CC2D1A: variants seen among roughly 807,000 people sequenced by gnomAD.
CC2D1A encodes the protein coiled-coil and C2 domain-containing protein 1A.
Under a neutral mutation model 123.8 loss-of-function variants are expected in CC2D1A, and 68 were observed. The ratio of observed to expected loss-of-function variants is 0.55; its 90% CI spans 0.45 to 0.67. CC2D1A has a LOEUF of 0.67. Among genes scored for constraint, CC2D1A ranks in the 30% least tolerant of loss-of-function variants. The pLI, the probability that CC2D1A is intolerant of heterozygous loss-of-function variation, is 0.00. For missense variants in CC2D1A, 1,185 were observed against 1,290.3 expected, an observed-to-expected ratio of 0.92 and a Z score of 1.25; for synonymous variants, 477 against 528.0, an observed-to-expected ratio of 0.90 and a Z score of 1.32.
chr19:13,908,473 CT>C (rs1397950984), intron 1 of CC2D1A, among the ~76,000 whole-genome samples: 10 of 146,454 alleles, frequency 6.8e-5, no homozygotes, highest in East Asian at 2.0e-4. Flanking sequence ...AATTGCTCTT[CT>C]TTTTTTTTTG....
In CC2D1A at chr19:13,923,975, T is replaced by TA. The variant is rs1239510685; in HGVS notation, c.1940+165dup. ...CAAAGGCTCTGGGGCAGGCATGAGA[T>TA]ACAAGTGAAGGATGGTGAGGGTGCA... is the stretch of plus-strand genomic sequence containing the variant. On this transcript the variant is annotated intron_variant, in intron 17 of 28. Coordinates refer to ENST00000318003, the MANE Select transcript of CC2D1A (RefSeq NM_017721.5). The surrounding 1 kb of genome is among the most constrained non-coding windows in gnomAD (Gnocchi z 5.3). 6.6e-6 allele frequency among the ~76,000 whole-genome samples: 1 copy of TA among 152,140 alleles called. No homozygotes were observed. The highest frequency in any genetic ancestry group is 1.5e-5 in the Non-Finnish European group (1 of 68,026).
chr19:13,927,390 C>A (rs1971681663), intron 22 of CC2D1A, 125 bp downstream of exon 22: 2 of 736,362 alleles, frequency 2.7e-6, no homozygotes, highest in African/African-American at 1.7e-5. Flanking sequence ...CCCTCAGAGC[C>A]TCAGACCTCC....
chr19:13,928,279 C>A, intron 24 of CC2D1A, 91 bp downstream of exon 24: 2 of 1,109,198 alleles, frequency 1.8e-6, no homozygotes, highest in South Asian at 2.9e-5. Context: ...CAAATTGGAC[C>A]ACGTCCCTCT....
At chr19:13,916,137 G>A (rs1971197350) in intron 6 of CC2D1A, among the ~76,000 whole-genome samples, 2 of 152,216 alleles carry the variant, frequency 1.3e-5, no homozygotes, top group South Asian at 4.2e-4. Flanking sequence ...CATGCTGGTA[G>A]TCCCAGCCAC....
rs779620838 is a variant in CC2D1A at position 13,927,923 on chromosome 19, C to A, written c.2347C>A (p.Arg783=). 6.2e-7 allele frequency: 1 copy of A among 1,613,544 alleles called. No individual in the cohort carries two copies. Among genetic ancestry groups the A allele is most frequent in the Non-Finnish European group, 8.5e-7 (1 of 1,179,988 alleles). Residue 783 remains arginine (R), a synonymous_variant, in exon 23 of 29, where the codon CGA becomes AGA. Coordinates refer to ENST00000318003, the MANE Select transcript of CC2D1A (RefSeq NM_017721.5). ...VLDGRRPTGG[R]LEVMVRIREP... is the part of the protein sequence containing the mutation. ...GGATGGTCGCCGGCCCACAGGGGGGCGACTGGAGGTAATGGTCCGGATTCG... is the reference window on the plus strand; with the variant it reads ...GGATGGTCGCCGGCCCACAGGGGGGAGACTGGAGGTAATGGTCCGGATTCG...
chr19:13,913,536 C>G lies in CC2D1A; in HGVS notation c.646C>G (p.Pro216Ala). 3.1e-6 allele frequency: 5 copies of G among 1,614,168 alleles called. No individual in the cohort carries two copies. Among genetic ancestry groups the G allele is most frequent in the Non-Finnish European group, 3.4e-6 (4 of 1,180,042 alleles). Residue 216 changes from proline to alanine, a missense_variant, in exon 6 of 29, where the codon CCT becomes GCT. Coordinates refer to ENST00000318003, the MANE Select transcript of CC2D1A (RefSeq NM_017721.5). Reference sequence around the variant, plus strand: ...CAGCCCTGCACCCACCCAGCCGGCCCCTAGAATCGCGTCAGCCCCAGAGCC... The same window carrying G: ...CAGCCCTGCACCCACCCAGCCGGCCGCTAGAATCGCGTCAGCCCCAGAGCC... Reference protein sequence around the residue: ...TYSPAPTQPAPRIASAPEPRV... With the variant: ...TYSPAPTQPAARIASAPEPRV...
chr19:13,922,594 C>T (rs941994886), intron 14 of CC2D1A, among the ~76,000 whole-genome samples: 8 of 152,212 alleles, frequency 5.3e-5, no homozygotes, highest in Admixed American at 6.5e-5. Flanking sequence ...ACCTTCTACT[C>T]TCTCATATGA....
intron 12 of CC2D1A, 28 bp downstream of exon 12, chr19:13,919,979 GCTCACA>G (rs753871825): frequency 1.0e-5 from 16 of 1,595,386 alleles, no homozygotes; most frequent in Non-Finnish European, 1.4e-5. Flanking sequence ...GGGCGCAGTG[GCTCACA>G]CCTGTAGTCC....
At position 13,913,249 on chromosome 19, in the gene CC2D1A, G is replaced by A. The variant is rs202025962; in HGVS notation, c.460G>A (p.Ala154Thr). The A allele has an allele frequency of 7.3e-5, 117 of 1,613,616 alleles. No individual in the cohort carries two copies. The highest frequency in any genetic ancestry group is 4.5e-5 in the East Asian group (2 of 44,872). Reference sequence around the variant, plus strand: ...GCTCTATCAGACAGCAATTGAAAGCGCCAGACAAGCTGGAGACAGCGCCAA... The same window carrying A: ...GCTCTATCAGACAGCAATTGAAAGCACCAGACAAGCTGGAGACAGCGCCAA... ...LALYQTAIES[A>T]RQAGDSAKMR... Residue 154 changes from alanine to threonine, a missense_variant, in exon 5 of 29, where the codon GCC (alanine) becomes ACC (threonine). By Grantham distance (58) the Ala-to-Thr change is moderately conservative. Transcript: ENST00000318003.
chr19:13,912,581 T>C lies in CC2D1A; in HGVS notation c.366T>C (p.Pro122=), dbSNP rs755929987. ...AGCAGAAGGCTTCAGAGACCCCACC[T>C]CCTGTGGCCCAGGTACAGTTTGGAT... ...GEEQKASETP[P]PVAQPKPEAP... The change falls in exon 4 of 29, where the codon CCT becomes CCC. Residue 122 remains proline (P), a synonymous_variant. Coordinates refer to ENST00000318003, the MANE Select transcript of CC2D1A (RefSeq NM_017721.5). 2.8e-5 allele frequency: 45 copies of C among 1,613,876 alleles called. No homozygotes were observed. Among genetic ancestry groups the C allele is most frequent in the Non-Finnish European group, 3.8e-5 (45 of 1,180,018 alleles).
chr19:13,929,387 G>C lies in CC2D1A; in HGVS notation c.2528G>C (p.Arg843Pro), dbSNP rs757026777. Residue 843 changes from arginine to proline, a missense_variant, in exon 25 of 29, where the codon CGG (arginine) becomes CCG (proline). Physicochemically the swap from Arg to Pro is moderately radical, Grantham distance 103 (BLOSUM62 -2). Transcript: ENST00000318003. ...PARESGNRSA[R>P]PLHSLSVLAF... Reference sequence around the variant, plus strand: ...CTTCCTCCACCCCTTAGATCAGCCCGGCCCCTGCATAGCCTCAGTGTGCTG... The same window carrying C: ...CTTCCTCCACCCCTTAGATCAGCCCCGCCCCTGCATAGCCTCAGTGTGCTG... The C allele has an allele frequency of 3.1e-6, 5 of 1,613,516 alleles. No individual in the cohort carries two copies. The highest frequency in any genetic ancestry group is 4.2e-6 in the Non-Finnish European group (5 of 1,179,968).
At position 13,910,557 on chromosome 19, in the gene CC2D1A, A is replaced by T. The variant is rs537394698; in HGVS notation, c.196+599A>T. Among the ~76,000 whole-genome samples, 18 of 152,112 alleles carry T rather than the reference A, an allele frequency of 1.2e-4. 1 individual carries two copies. In the South Asian group the frequency reaches 3.5e-3, roughly 30 times the overall value. On this transcript the variant is annotated intron_variant, in intron 2 of 28. Coordinates refer to ENST00000318003, the MANE Select transcript of CC2D1A (RefSeq NM_017721.5). The stretch of plus-strand genomic sequence containing the variant: ...CATCTGTAAAACTGGAATAATAACC[A>T]TGTTATAGGAGTTAATCTGGAGTCC...
chr19:13,909,750 T>C (rs1970926826), intron 1 of CC2D1A, 73 bp from the exon 2 acceptor site: 4 of 1,596,372 alleles, frequency 2.5e-6, no homozygotes, highest in Non-Finnish European at 1.7e-6. Context: ...CCAAGGGGAC[T>C]CTCTGGCCAT....
intron 23 of CC2D1A, 36 bp from the exon 24 acceptor site, chr19:13,928,088 G>A (rs752521566): frequency 8.1e-6 from 13 of 1,613,024 alleles, no homozygotes; most frequent in Non-Finnish European, 1.1e-5. Flanking sequence ...TGGTTCAGGG[G>A]CCCAGGACTC....
chr19:13,920,904 G>C lies in CC2D1A; in HGVS notation c.1623G>C (p.Leu541=), dbSNP rs1214045573. The C allele has an allele frequency of 1.2e-6, 2 of 1,613,384 alleles. No individual in the cohort carries two copies. Among genetic ancestry groups the C allele is most frequent in the African/African-American group, 1.3e-5 (1 of 74,938 alleles). The stretch of plus-strand genomic sequence containing the variant: ...TGCTGGAGGCCTCGCGCAATGGGCT[G>C]CCTGTGGACATCACCAAGGTGAACC... ...EPMLEASRNG[L]PVDITKVPPA... The change falls in exon 14 of 29, where the codon CTG becomes CTC. Residue 541 remains leucine (L), a synonymous_variant. Coordinates refer to ENST00000318003, the MANE Select transcript of CC2D1A (RefSeq NM_017721.5).
Position 13,928,334 on chromosome 19 carries a change from AGTTTAAACTCCTTG to A in CC2D1A, c.2519+151_2519+164del, listed in dbSNP as rs1971731464. ...TGGCACCCCTTTTCCCAGAGGATCC[AGTTTAAACTCCTTG>A]GTTTGGTCTTTAAAACCTTTTGTGA... On this transcript the variant is annotated intron_variant, in intron 24 of 28. Transcript: ENST00000318003. 7 of 689,832 alleles carry A rather than the reference AGTTTAAACTCCTTG, an allele frequency of 1.0e-5. No homozygotes were observed. The East Asian group carries it at 1.9e-4, about 19-fold the overall frequency. 42.7% of individuals were successfully genotyped at this position (689,832 alleles called of 1,614,324 possible).
chr19:13,906,364 C>A lies in CC2D1A; in HGVS notation c.-78C>A. ...GTGCAGGACTCAGGAAGGGCGAGTGCGCGGCGACAGAGCCCGGGGAAGGAG... is the reference window on the plus strand; with the variant it reads ...GTGCAGGACTCAGGAAGGGCGAGTGAGCGGCGACAGAGCCCGGGGAAGGAG... On this transcript the variant is annotated 5_prime_UTR_variant, in exon 1 of 29. Transcript: ENST00000318003. The surrounding 1 kb of genome is among the most constrained non-coding windows in gnomAD (Gnocchi z 4.1). 1 of 1,227,136 alleles carries A rather than the reference C, an allele frequency of 8.1e-7. No individual in the cohort carries two copies. Among genetic ancestry groups the A allele is most frequent in the Non-Finnish European group, 1.1e-6 (1 of 905,498 alleles). The allele number at this position is 1,227,136 out of a possible 1,614,324, so 76.0% of individuals were successfully genotyped here.
In CC2D1A at chr19:13,906,370, G is replaced by C; in HGVS notation, c.-72G>C. On this transcript the variant is annotated 5_prime_UTR_variant, in exon 1 of 29. Transcript: ENST00000318003. The surrounding 1 kb of genome is among the most constrained non-coding windows in gnomAD (Gnocchi z 4.1). ...GACTCAGGAAGGGCGAGTGCGCGGC[G>C]ACAGAGCCCGGGGAAGGAGGCAGGG... is the stretch of plus-strand genomic sequence containing the variant. 1 of 1,303,052 alleles carries C rather than the reference G, an allele frequency of 7.7e-7. No homozygotes were observed. The highest frequency in any genetic ancestry group is 1.0e-6 in the Non-Finnish European group (1 of 971,498). 80.7% of individuals were successfully genotyped at this position (1,303,052 alleles called of 1,614,324 possible). A position where few individuals can be genotyped will look rare whatever the true frequency, so the allele number is the denominator to read the frequency against.
chr19:13,906,514 C>T lies in CC2D1A; in HGVS notation c.60+13C>T, dbSNP rs1485727069. ...GGCCGCCCGCCAGGTGAGTTTGCGC[C>T]CCACGGCCCGACCTGGGGATCCCTC... On this transcript the variant is annotated intron_variant, in intron 1 of 28. Transcript: ENST00000318003. This position sits in a 1 kb window ranked among gnomAD's most constrained non-coding sequence, Gnocchi z 4.1. 13 of 1,475,118 alleles carry T rather than the reference C, an allele frequency of 8.8e-6. No homozygotes were observed. The Admixed American group carries it at 2.9e-4, about 32-fold the overall frequency. The allele number at this position is 1,475,118 out of a possible 1,614,324, so 91.4% of individuals were successfully genotyped here.
Sources: allele counts gnomAD v4.1 joint callset (sites outside exome capture counted in the v4.1 genomes callset), GRCh38; gene constraint gnomAD v4.1.1; non-coding constraint Gnocchi (gnomAD v3.1); transcripts MANE v1.5; gene names NCBI Gene and HGNC (gene_info 2026-07-23, HGNC 2026-07-21).